EFCAB13: variants seen among roughly 807,000 people sequenced by gnomAD.
The protein encoded by EFCAB13 is EF-hand calcium binding domain 13, also known as EF-hand calcium-binding domain-containing protein 13.
A neutral mutation model predicts 110.2 loss-of-function variants in EFCAB13; 91 were observed. The observed-to-expected ratio is 0.83, with a 90% CI of 0.70 to 0.98. The LOEUF (loss-of-function observed/expected upper bound fraction) is 0.98, where lower values mean the gene tolerates loss of function less well. EFCAB13 is among the 50% of genes least tolerant of loss of function. The pLI is 0.00. For missense variants in EFCAB13, 968 were observed against 1,119.4 expected, an observed-to-expected ratio of 0.86 and a Z score of 1.93; for synonymous variants, 323 against 369.9, an observed-to-expected ratio of 0.87 and a Z score of 1.45.
At chr17:47,416,138 T>C (rs1904434253) in intron 23 of EFCAB13, among the ~76,000 whole-genome samples, 1 of 152,206 alleles carries the variant, frequency 6.6e-6, no homozygotes, top group Non-Finnish European at 1.5e-5. Context: ...ACATAATTAA[T>C]ATACCATAAA....
chr17:47,362,783 C>T (rs1473443257), intron 10 of EFCAB13, among the ~76,000 whole-genome samples: 1 of 152,212 alleles, frequency 6.6e-6, no homozygotes, highest in Non-Finnish European at 1.5e-5. Context: ...TCTGCCTTGG[C>T]TGCCAGGCAG....
In EFCAB13 at chr17:47,404,040, A is replaced by G; in HGVS notation, c.2161+19A>G. ...GTTTCTGGTAAGCATTTTAAATATT[A>G]CTCTCAGGTTTTTTTTTTGTAGGAG... On this transcript the variant is annotated intron_variant, in intron 19 of 24. Transcript: ENST00000331493. 6.4e-7 allele frequency: 1 copy of G among 1,558,596 alleles called. No individual in the cohort carries two copies. Among genetic ancestry groups the G allele is most frequent in the South Asian group, 1.2e-5 (1 of 82,022 alleles).
chr17:47,382,240 C>T (rs138766806), intron 14 of EFCAB13, among the ~76,000 whole-genome samples: 1 of 152,140 alleles, frequency 6.6e-6, no homozygotes, highest in African/African-American at 2.4e-5. Flanking sequence ...TGTTTATCAG[C>T]TTAAGGAGAT....
chr17:47,350,226 G>C (rs564088897), intron 9 of EFCAB13, among the ~76,000 whole-genome samples: 3 of 152,104 alleles, frequency 2.0e-5, no homozygotes, highest in African/African-American at 7.2e-5. Context: ...ACTAGTGTGG[G>C]CTGAGAAAAA....
chr17:47,361,463 G>A lies in EFCAB13; in HGVS notation c.747G>A (p.Met249Ile), dbSNP rs1304782104. 9.9e-6 allele frequency: 16 copies of A among 1,613,156 alleles called. No homozygotes were observed. Among genetic ancestry groups the A allele is most frequent in the Non-Finnish European group, 1.1e-5 (13 of 1,179,230 alleles). Residue 249 changes from methionine to isoleucine, a missense_variant, in exon 10 of 25, where the codon ATG becomes ATA. Met to Ile is a conservative substitution (Grantham distance 10). Coordinates refer to ENST00000331493, the MANE Select transcript of EFCAB13 (RefSeq NM_152347.5). ...TDDVFAVLDSMGIPINREILE... is the reference protein window; with the variant it reads ...TDDVFAVLDSIGIPINREILE... The stretch of plus-strand genomic sequence containing the variant: ...ACGTGTTTGCTGTTTTGGATAGCAT[G>A]GGTATCCCTATAAACCGTGAAATTT...
intron 4 of EFCAB13, among the ~76,000 whole-genome samples, chr17:47,333,143 A>G (rs2065329645): frequency 6.6e-6 from 1 of 152,210 alleles, no homozygotes; most frequent in Non-Finnish European, 1.5e-5. Flanking sequence ...GAATAGTGTG[A>G]GATGATATCT....
chr17:47,344,418 T>C (rs2065403763), intron 7 of EFCAB13, 126 bp downstream of exon 7: 1 of 1,208,120 alleles, frequency 8.3e-7, no homozygotes, highest in African/African-American at 1.5e-5. Flanking sequence ...CTGTTAGGAT[T>C]GTGTAGAGAT....
intron 9 of EFCAB13, among the ~76,000 whole-genome samples, chr17:47,361,130 T>C (rs1294619507): frequency 6.6e-6 from 1 of 152,202 alleles, no homozygotes; most frequent in Non-Finnish European, 1.5e-5. Context: ...CTAGGTTCTT[T>C]TCAATTCATT....
chr17:47,368,850 G>T (rs2143341450), intron 10 of EFCAB13, among the ~76,000 whole-genome samples: 1 of 152,320 alleles, frequency 6.6e-6, no homozygotes, highest in Non-Finnish European at 1.5e-5. Context: ...GAATGGGAAA[G>T]ACAACTCTAC....
chr17:47,387,607 AT>A (rs1024643440), intron 14 of EFCAB13, among the ~76,000 whole-genome samples: 3 of 152,068 alleles, frequency 2.0e-5, no homozygotes, highest in Non-Finnish European at 2.9e-5. Flanking sequence ...TAAAACCACT[AT>A]TTTGGATTCT....
intron 10 of EFCAB13, among the ~76,000 whole-genome samples, chr17:47,368,161 T>C (rs1401382851): frequency 6.6e-6 from 1 of 152,164 alleles, no homozygotes; most frequent in Non-Finnish European, 1.5e-5. Context: ...GAAAATATAA[T>C]CTTTTTTTCA....
intron 23 of EFCAB13, among the ~76,000 whole-genome samples, chr17:47,426,061 C>G (rs775874731): frequency 9.9e-5 from 15 of 152,180 alleles, no homozygotes; most frequent in Non-Finnish European, 1.9e-4. Flanking sequence ...AACCACTATG[C>G]TCTTCAGTGT....
intron 24 of EFCAB13, among the ~76,000 whole-genome samples, chr17:47,434,811 T>C (rs1905182994): frequency 6.6e-6 from 1 of 152,122 alleles, no homozygotes; most frequent in Non-Finnish European, 1.5e-5. Flanking sequence ...ATTCAACAAA[T>C]GGTGTGGGGA....
In EFCAB13 at chr17:47,403,996, A is replaced by T; in HGVS notation, c.2136A>T (p.Lys712Asn). Reference sequence around the variant, plus strand: ...AGTCACCTAAAGAAGAGGTAGAGAAAATTCTTCAATCAGATTTTGTTTCTG... The same window carrying T: ...AGTCACCTAAAGAAGAGGTAGAGAATATTCTTCAATCAGATTTTGTTTCTG... ...GIKSPKEEVE[K>N]ILQSDFVSED... The change falls in exon 19 of 25, where the codon AAA becomes AAT. Residue 712 changes from lysine to asparagine, a missense_variant. Coordinates refer to ENST00000331493, the MANE Select transcript of EFCAB13 (RefSeq NM_152347.5). 1 of 1,596,566 alleles carries T rather than the reference A, an allele frequency of 6.3e-7. No homozygotes were observed. The highest frequency in any genetic ancestry group is 2.2e-5 in the East Asian group (1 of 44,618).
chr17:47,346,115 T>C (rs1232153148), intron 8 of EFCAB13, among the ~76,000 whole-genome samples: 2 of 152,188 alleles, frequency 1.3e-5, no homozygotes, highest in African/African-American at 2.4e-5. Context: ...GTTATTCTTA[T>C]CTATAGGCAC....
At chr17:47,351,296 T>TGC (rs2065448798) in intron 9 of EFCAB13, among the ~76,000 whole-genome samples, 1 of 140,306 alleles carries the variant, frequency 7.1e-6, no homozygotes, top group Non-Finnish European at 1.6e-5. Context: ...TGTGTGTGTG[T>TGC]GTGTGTGTGC....
intron 8 of EFCAB13, 65 bp downstream of exon 8, chr17:47,345,163 C>T: frequency 3.3e-6 from 4 of 1,204,676 alleles, no homozygotes; most frequent in Non-Finnish European, 4.8e-6. Context: ...GGAATTGTTT[C>T]AGCAGTTAGT....
chr17:47,420,012 G>A lies in EFCAB13; in HGVS notation c.2494+5093G>A, dbSNP rs377678337. On this transcript the variant is annotated intron_variant, in intron 23 of 24. Coordinates refer to ENST00000331493, the MANE Select transcript of EFCAB13 (RefSeq NM_152347.5). Reference sequence around the variant, plus strand: ...TCTGATGCCGAGCGGAAGCTGGACTGTACTGCTGCCATCTCGGCTCACTGC... The same window carrying A: ...TCTGATGCCGAGCGGAAGCTGGACTATACTGCTGCCATCTCGGCTCACTGC... Among the ~76,000 whole-genome samples, 11 of 152,132 alleles carry A rather than the reference G, an allele frequency of 7.2e-5. No individual in the cohort carries two copies. The South Asian group carries it at 2.1e-3, about 29-fold the overall frequency.
intron 23 of EFCAB13, among the ~76,000 whole-genome samples, chr17:47,420,479 C>T (rs1311694003): frequency 2.2e-5 from 3 of 137,796 alleles, no homozygotes; most frequent in South Asian, 2.4e-4. Flanking sequence ...TCTGCCCGGC[C>T]GCCATCCCAT....
Sources: gnomAD v4.1 joint callset for allele counts (sites outside exome capture counted in the v4.1 genomes callset) on GRCh38, gnomAD v4.1.1 for gene constraint, MANE v1.5 for transcripts, NCBI Gene and HGNC (gene_info 2026-07-23, HGNC 2026-07-21) for gene names.